ADAMTSL3: variants seen among roughly 807,000 people sequenced by gnomAD.
The protein encoded by ADAMTSL3 is ADAMTS-like protein 3.
In ADAMTSL3, 128 loss-of-function variants were observed where a neutral mutation model predicts 201.7. That is an observed-to-expected ratio of 0.63 (90% CI 0.55 to 0.73). The LOEUF is 0.73. Among genes scored for constraint, ADAMTSL3 ranks in the 30% least tolerant of loss-of-function variants. The pLI is 0.00. For synonymous variants in ADAMTSL3, 738 were observed against 748.4 expected, an observed-to-expected ratio of 0.99 and a Z score of 0.23; for missense variants, 1,990 against 2,119.6, an observed-to-expected ratio of 0.94 and a Z score of 1.20.
chr15:83,816,530 A>G (rs2063774415), intron 5 of ADAMTSL3, among the ~76,000 whole-genome samples: 2 of 152,260 alleles, frequency 1.3e-5, no homozygotes, highest in Non-Finnish European at 2.9e-5. Context: ...AATGCTTGCC[A>G]TTGAGCCTAA....
intron 3 of ADAMTSL3, among the ~76,000 whole-genome samples, chr15:83,714,824 T>TTTC (rs1567093109): frequency 1.0e-4 from 10 of 98,404 alleles, no homozygotes; most frequent in Admixed American, 5.2e-4. Flanking sequence ...CTTTCTTTCC[T>TTTC]TCTCTCTCTC....
At chr15:83,984,331 T>G (rs564024867) in intron 21 of ADAMTSL3, among the ~76,000 whole-genome samples, 61 of 152,236 alleles carry the variant, frequency 4.0e-4, no homozygotes, top group Non-Finnish European at 8.1e-4. Flanking sequence ...CTTTGTGCAT[T>G]GAGCCTCGTA....
rs1306598883 is a variant in ADAMTSL3 at position 83,970,076 on chromosome 15, A to G, written c.2491-408A>G. Among the ~76,000 whole-genome samples the G allele has an allele frequency of 2.6e-5, 4 of 152,196 alleles. No individual in the cohort carries two copies. In the South Asian group the frequency reaches 6.2e-4, roughly 24 times the overall value. ...CTTTGTATATCAATTATACCTCAAC[A>G]AAACTATTAAAAGGGTCAAATTTTA... On this transcript the variant is annotated intron_variant, in intron 19 of 29. Coordinates refer to ENST00000286744, the MANE Select transcript of ADAMTSL3 (RefSeq NM_207517.3).
intron 2 of ADAMTSL3, among the ~76,000 whole-genome samples, chr15:83,681,438 T>C (rs985660315): frequency 5.9e-5 from 9 of 152,212 alleles, no homozygotes; most frequent in Non-Finnish European, 1.0e-4. Flanking sequence ...GGAGGAGAAC[T>C]GAAAATATTT....
At chr15:83,688,196 G>GA (rs984657600) in intron 2 of ADAMTSL3, among the ~76,000 whole-genome samples, 1 of 152,168 alleles carries the variant, frequency 6.6e-6, no homozygotes, top group African/African-American at 2.4e-5. Context: ...GGACTGATGA[G>GA]AAAAGACGCA....
Position 83,942,955 on chromosome 15 carries a change from A to G in ADAMTSL3, c.2363A>G (p.Gln788Arg). Residue 788 changes from glutamine to arginine, a missense_variant, in exon 19 of 30, where the codon CAG becomes CGG. Coordinates refer to ENST00000286744, the MANE Select transcript of ADAMTSL3 (RefSeq NM_207517.3). ...CAGAACAGAAGAGTCACCTGTCGGC[A>G]GCTGCTAACGGATGGCAGCTTTTTG... Reference protein sequence around the residue: ...GTQNRRVTCRQLLTDGSFLNL... With the variant: ...GTQNRRVTCRRLLTDGSFLNL... 6.2e-7 allele frequency: 1 copy of G among 1,613,788 alleles called. No homozygotes were observed. Among genetic ancestry groups the G allele is most frequent in the Non-Finnish European group, 8.5e-7 (1 of 1,179,786 alleles).
At chr15:83,899,535 T>C (rs573818935) in intron 14 of ADAMTSL3, 112 bp from the exon 15 acceptor site, 1 of 1,053,646 alleles carries the variant, frequency 9.5e-7, no homozygotes, top group Non-Finnish European at 1.4e-6. Flanking sequence ...CAACTTGCAT[T>C]TGAAAAACAT....
intron 4 of ADAMTSL3, among the ~76,000 whole-genome samples, chr15:83,796,933 A>G (rs2063436690): frequency 6.6e-6 from 1 of 152,226 alleles, no homozygotes; most frequent in Non-Finnish European, 1.5e-5. Flanking sequence ...GTAAAAAACA[A>G]TGTCTGGAAA....
intron 6 of ADAMTSL3, among the ~76,000 whole-genome samples, chr15:83,822,997 A>G (rs977328840): frequency 2.0e-5 from 3 of 152,018 alleles, no homozygotes; most frequent in African/African-American, 7.2e-5. Flanking sequence ...GCTGGAGACC[A>G]GCCCGGCCAA....
chr15:83,917,417 GTGTATGTATGTATGTA>G (rs56329675), intron 16 of ADAMTSL3, among the ~76,000 whole-genome samples: 5 of 146,532 alleles, frequency 3.4e-5, no homozygotes, highest in Admixed American at 6.9e-5. Context: ...TCCAAAGTGT[GTGTATGTATGTATGTA>G]TGTATGTATG....
chr15:83,773,706 G>A, intron 4 of ADAMTSL3, 56 bp downstream of exon 4: 1 of 1,563,838 alleles, frequency 6.4e-7, no homozygotes, highest in East Asian at 2.2e-5. Flanking sequence ...CCTCTGGATG[G>A]GTGGAGAGGA....
At chr15:83,891,483 A>G (rs962753715) in intron 12 of ADAMTSL3, 104 bp downstream of exon 12, 16 of 960,684 alleles carry the variant, frequency 1.7e-5, no homozygotes, top group African/African-American at 1.6e-4. Flanking sequence ...GATATTAAAT[A>G]CTTTATAGAG....
chr15:83,657,338 T>A (rs1432729705), intron 2 of ADAMTSL3, among the ~76,000 whole-genome samples: 1 of 152,226 alleles, frequency 6.6e-6, no homozygotes, highest in Non-Finnish European at 1.5e-5. Flanking sequence ...TCTTTTGGAT[T>A]TTTCCATATC....
intron 4 of ADAMTSL3, among the ~76,000 whole-genome samples, chr15:83,791,973 G>T (rs1399403914): frequency 2.0e-5 from 3 of 152,058 alleles, no homozygotes; most frequent in African/African-American, 4.8e-5. Context: ...TCTGGGAAAT[G>T]ATTATTTTAC....
Position 84,002,936 on chromosome 15 carries a change from C to CTTT in ADAMTSL3, c.3974-11589_3974-11587dup, listed in dbSNP as rs368176543. Among the ~76,000 whole-genome samples, 21 of 99,978 alleles carry CTTT rather than the reference C, an allele frequency of 2.1e-4. 1 individual carries two copies. The highest frequency in any genetic ancestry group is 4.8e-4 in the African/African-American group (12 of 24,992). 65.6% of individuals were successfully genotyped at this position (99,978 alleles called of 152,430 possible). A position where few individuals can be genotyped will look rare whatever the true frequency, so the allele number is the denominator to read the frequency against. On this transcript the variant is annotated intron_variant, in intron 23 of 29. Coordinates refer to ENST00000286744, the MANE Select transcript of ADAMTSL3 (RefSeq NM_207517.3). The stretch of plus-strand genomic sequence containing the variant: ...TTTTTTCTTTCTTTTCTTTTCTTTT[C>CTTT]TTTTTTTTTTTTTTTTTTTGGCTTA...
chr15:83,783,546 C>T (rs1269362264), intron 4 of ADAMTSL3, among the ~76,000 whole-genome samples: 1 of 151,644 alleles, frequency 6.6e-6, no homozygotes, highest in Non-Finnish European at 1.5e-5. Flanking sequence ...AAAATAAAAG[C>T]ATGGAAAAAA....
chr15:83,796,541 C>G (rs966549161), intron 4 of ADAMTSL3, among the ~76,000 whole-genome samples: 2 of 152,148 alleles, frequency 1.3e-5, no homozygotes, highest in African/African-American at 4.8e-5. Flanking sequence ...TAGGAAATCT[C>G]AACATCATAA....
chr15:83,806,932 A>G (rs1179275709), intron 5 of ADAMTSL3, among the ~76,000 whole-genome samples: 1 of 152,220 alleles, frequency 6.6e-6, no homozygotes, highest in Non-Finnish European at 1.5e-5. Flanking sequence ...CTTCAAAGGA[A>G]TATAATTCTT....
At chr15:83,883,523 T>C (rs1362353963) in intron 9 of ADAMTSL3, among the ~76,000 whole-genome samples, 1 of 150,458 alleles carries the variant, frequency 6.6e-6, no homozygotes, top group Non-Finnish European at 1.5e-5. Context: ...TTTATTTCTT[T>C]TTTTTTTTTC....
Sources: gnomAD v4.1 joint callset for allele counts (sites outside exome capture counted in the v4.1 genomes callset) on GRCh38, gnomAD v4.1.1 for gene constraint, MANE v1.5 for transcripts, NCBI Gene and HGNC (gene_info 2026-07-23, HGNC 2026-07-21) for gene names.